The following ADAM12 variants were observed in gnomAD, a reference collection of about 807,000 sequenced individuals.
The protein encoded by ADAM12 is ADAM metallopeptidase domain 12, also known as disintegrin and metalloproteinase domain-containing protein 12.
Under a neutral mutation model 106.4 loss-of-function variants are expected in ADAM12, and 70 were observed. The ratio of observed to expected loss-of-function variants is 0.66; its 90% CI spans 0.54 to 0.80. The LOEUF is 0.80. Ranked by LOEUF, ADAM12 falls within the 30% of genes least tolerant of loss-of-function variation. The probability of loss-of-function intolerance (pLI) is 0.00; values close to 1 mark genes in which losing one functional copy is unlikely to be tolerated. For synonymous variants in ADAM12, 420 were observed against 433.5 expected, an observed-to-expected ratio of 0.97 and a Z score of 0.39; for missense variants, 1,010 against 1,171.9, an observed-to-expected ratio of 0.86 and a Z score of 2.02.
At chr10:126,164,251 G>T (rs1956986747) in intron 3 of ADAM12, among the ~76,000 whole-genome samples, 1 of 152,188 alleles carries the variant, frequency 6.6e-6, no homozygotes, top group South Asian at 2.1e-4. Context: ...GCATATTCAT[G>T]CCATGCCAAA....
intron 1 of ADAM12, among the ~76,000 whole-genome samples, chr10:126,357,293 G>A (rs1855574058): frequency 1.3e-5 from 2 of 152,150 alleles, no homozygotes. Context: ...GGCCAGGAGA[G>A]AGTGGGATGA....
chr10:126,298,338 GAA>G (rs1960469920), intron 2 of ADAM12, among the ~76,000 whole-genome samples: 1 of 152,156 alleles, frequency 6.6e-6, no homozygotes, highest in Non-Finnish European at 1.5e-5. Context: ...TTGAAAAACA[GAA>G]AAGTCAGCAG....
intron 3 of ADAM12, among the ~76,000 whole-genome samples, chr10:126,186,900 C>T (rs909143296): frequency 2.0e-5 from 3 of 152,178 alleles, no homozygotes; most frequent in African/African-American, 7.2e-5. Context: ...CTCTGGGAAG[C>T]AGGCACTACC....
At chr10:126,112,316 C>A (rs576044753) in intron 6 of ADAM12, among the ~76,000 whole-genome samples, 6 of 149,306 alleles carry the variant, frequency 4.0e-5, no homozygotes, top group African/African-American at 1.5e-4. Flanking sequence ...CAAACCTGCA[C>A]GTTTTGCACA....
chr10:126,300,022 C>A (rs1960552966), intron 2 of ADAM12, among the ~76,000 whole-genome samples: 1 of 152,208 alleles, frequency 6.6e-6, no homozygotes, highest in African/African-American at 2.4e-5. Context: ...TTTTCACTTT[C>A]TTTCCTATTA....
intron 1 of ADAM12, among the ~76,000 whole-genome samples, chr10:126,333,525 G>A (rs188889118): frequency 2.0e-5 from 3 of 152,340 alleles, no homozygotes; most frequent in East Asian, 1.9e-4. Context: ...GTTTGCAGGT[G>A]CTCCTGCAGG....
intron 4 of ADAM12, among the ~76,000 whole-genome samples, chr10:126,144,069 G>C (rs1956578897): frequency 6.6e-6 from 1 of 152,172 alleles, no homozygotes. Flanking sequence ...ACCATGTCTG[G>C]TTAAAAGACT....
At chr10:126,346,724 T>A (rs1379174812) in intron 1 of ADAM12, among the ~76,000 whole-genome samples, 1 of 152,338 alleles carries the variant, frequency 6.6e-6, no homozygotes, top group Middle Eastern at 3.4e-3. Flanking sequence ...GGTGCATATA[T>A]ATTTAGGATA....
chr10:126,385,417 A>C (rs1856628712), intron 1 of ADAM12, among the ~76,000 whole-genome samples: 1 of 152,234 alleles, frequency 6.6e-6, no homozygotes, highest in South Asian at 2.1e-4. Flanking sequence ...AGACACTCTT[A>C]ATACCCCAGA....
intron 3 of ADAM12, among the ~76,000 whole-genome samples, chr10:126,260,052 C>T (rs1379685452): frequency 2.0e-5 from 3 of 152,156 alleles, no homozygotes; most frequent in Non-Finnish European, 4.4e-5. Flanking sequence ...TCAGCCACCA[C>T]CTCAAGTGAC....
intron 3 of ADAM12, among the ~76,000 whole-genome samples, chr10:126,229,857 T>C (rs938875145): frequency 5.9e-5 from 9 of 152,170 alleles, no homozygotes; most frequent in East Asian, 3.9e-4. Flanking sequence ...ACTGATGTCA[T>C]GCTTCTGCGC....
At chr10:126,132,385 A>T (rs535279940) in intron 5 of ADAM12, among the ~76,000 whole-genome samples, 20 of 152,292 alleles carry the variant, frequency 1.3e-4, no homozygotes, top group Admixed American at 1.2e-3. Context: ...CAGGCCCCAG[A>T]GAGGCACAAT....
chr10:126,083,994 G>A lies in ADAM12; in HGVS notation c.1145+9991C>T, dbSNP rs1488743204. ...CACAGAAAGCTAAGAAAACCACCAGGCCAGGAGCAAATGACCAGAAAGATC... is the reference window on the plus strand; with the variant it reads ...CACAGAAAGCTAAGAAAACCACCAGACCAGGAGCAAATGACCAGAAAGATC... On this transcript the variant is annotated intron_variant, in intron 11 of 22. Transcript: ENST00000448723. Among the ~76,000 whole-genome samples the A allele has an allele frequency of 2.0e-5, 3 of 152,176 alleles. 1 individual carries two copies. The highest frequency in any genetic ancestry group is 4.4e-5 in the Non-Finnish European group (3 of 68,034).
At chr10:126,041,329 G>C (rs1954162879) in intron 18 of ADAM12, 1 of 985,682 alleles carries the variant, frequency 1.0e-6, no homozygotes, top group Non-Finnish European at 1.2e-6. Flanking sequence ...TGTATGAACA[G>C]GGTGGAGGCA....
intron 1 of ADAM12, among the ~76,000 whole-genome samples, chr10:126,333,077 G>A (rs781727101): frequency 6.6e-6 from 1 of 152,202 alleles, no homozygotes; most frequent in Non-Finnish European, 1.5e-5. Flanking sequence ...CACGCCGAGA[G>A]TTACCACGGG....
chr10:126,288,472 GAGC>G (rs1341346660), intron 2 of ADAM12, among the ~76,000 whole-genome samples: 1 of 152,134 alleles, frequency 6.6e-6, no homozygotes, highest in Non-Finnish European at 1.5e-5. Flanking sequence ...GCAGCAGCAA[GAGC>G]AGCAGCAGCA....
chr10:126,103,973 A>G (rs1218108209), intron 8 of ADAM12, among the ~76,000 whole-genome samples: 1 of 152,182 alleles, frequency 6.6e-6, no homozygotes, highest in African/African-American at 2.4e-5. Context: ...TAACTCCAAT[A>G]CAGTGAACTG....
At chr10:126,182,183 T>C (rs1957324636) in intron 3 of ADAM12, among the ~76,000 whole-genome samples, 2 of 152,168 alleles carry the variant, frequency 1.3e-5, no homozygotes, top group Non-Finnish European at 2.9e-5. Flanking sequence ...TTGAGATGCC[T>C]TGTCAGAATT....
chr10:126,295,162 C>T (rs150261232), intron 2 of ADAM12, among the ~76,000 whole-genome samples: 175 of 152,090 alleles, frequency 1.2e-3, no homozygotes, highest in African/African-American at 4.1e-3. Flanking sequence ...AGCTTCCTCT[C>T]CCTCTCCCCC....
Sources: allele counts gnomAD v4.1 joint callset (sites outside exome capture counted in the v4.1 genomes callset), GRCh38; gene constraint gnomAD v4.1.1; transcripts MANE v1.5; gene names NCBI Gene and HGNC (gene_info 2026-07-23, HGNC 2026-07-21).